The following NRXN3 variants were observed in gnomAD, a reference collection of about 807,000 sequenced individuals.
NRXN3 encodes neurexin III.
A neutral mutation model predicts 137.6 loss-of-function variants in NRXN3; 32 were observed. That is an observed-to-expected ratio of 0.23 (90% CI 0.18 to 0.31). The LOEUF (loss-of-function observed/expected upper bound fraction) is 0.31. NRXN3 is among the 10% of genes least tolerant of loss of function. NRXN3 has a pLI of 1.00. For synonymous variants in NRXN3, 798 were observed against 784.5 expected (o/e 1.02, Z -0.29); for missense variants, 1,574 against 2,062.5 (o/e 0.76, Z 4.59).
intron 16 of NRXN3, among the ~76,000 whole-genome samples, chr14:79,499,956 CGTGTGTGTGTGT>C (rs35371414): frequency 4.1e-5 from 6 of 145,140 alleles, no homozygotes; most frequent in African/African-American, 1.0e-4. Flanking sequence ...ATCTTAGGGT[CGTGTGTGTGTGT>C]GTGTGTGTGT....
intron 6 of NRXN3, among the ~76,000 whole-genome samples, chr14:78,666,545 C>T (rs1026894983): frequency 6.6e-5 from 10 of 152,164 alleles, no homozygotes; most frequent in African/African-American, 2.4e-4. Context: ...ATTACCTATT[C>T]ACTCGAGTTA....
chr14:78,540,616 C>A (rs2096580898), intron 4 of NRXN3, among the ~76,000 whole-genome samples: 1 of 152,096 alleles, frequency 6.6e-6, no homozygotes, highest in African/African-American at 2.4e-5. Context: ...AGCCCATTTA[C>A]ATTTAAGGGT....
chr14:78,193,460 G>C (rs1038619186), intron 1 of NRXN3, among the ~76,000 whole-genome samples: 3 of 152,202 alleles, frequency 2.0e-5, no homozygotes, highest in Admixed American at 1.3e-4. Context: ...TCTGCTGGAG[G>C]GTAAGGGCCT....
intron 4 of NRXN3, among the ~76,000 whole-genome samples, chr14:78,380,255 T>C (rs2088795618): frequency 1.5e-5 from 2 of 137,840 alleles, no homozygotes; most frequent in Non-Finnish European, 3.0e-5. Flanking sequence ...GAGCCGAGAT[T>C]GCGCCACTGC....
chr14:78,295,399 A>G (rs2076213709), intron 3 of NRXN3, among the ~76,000 whole-genome samples: 2 of 152,202 alleles, frequency 1.3e-5, no homozygotes, highest in African/African-American at 2.4e-5. Flanking sequence ...CTGCAACTAC[A>G]TATGTAGTTT....
chr14:79,724,727 A>G (rs892436612), intron 19 of NRXN3, among the ~76,000 whole-genome samples: 18 of 152,164 alleles, frequency 1.2e-4, no homozygotes, highest in African/African-American at 4.3e-4. Context: ...TATATGGTAG[A>G]GTTCAGCTAC....
intron 4 of NRXN3, among the ~76,000 whole-genome samples, chr14:78,517,608 G>A (rs1427912401): frequency 6.6e-6 from 1 of 152,114 alleles, no homozygotes; most frequent in Non-Finnish European, 1.5e-5. Context: ...ACTGTCAGCT[G>A]CCAGACAGGC....
intron 15 of NRXN3, among the ~76,000 whole-genome samples, chr14:79,428,316 TTTTC>T (rs1048067247): frequency 2.8e-4 from 39 of 136,868 alleles, no homozygotes; most frequent in Non-Finnish European, 5.5e-4. Flanking sequence ...TGTCTCAGCT[TTTTC>T]TTTCTTTTAT....
chr14:78,973,724 G>T (rs934412279), intron 14 of NRXN3, among the ~76,000 whole-genome samples: 16 of 152,094 alleles, frequency 1.1e-4, no homozygotes, highest in Non-Finnish European at 2.1e-4. Context: ...GTGCCATGCT[G>T]CTATGTCTCA....
chr14:79,805,814 CCGTGT>C (rs1359467807), intron 20 of NRXN3, among the ~76,000 whole-genome samples: 3 of 152,130 alleles, frequency 2.0e-5, no homozygotes, highest in African/African-American at 7.2e-5. Flanking sequence ...CTGTACCATG[CCGTGT>C]CAACAGCTGT....
intron 19 of NRXN3, among the ~76,000 whole-genome samples, chr14:79,781,163 T>C (rs1371427015): frequency 6.6e-6 from 1 of 152,198 alleles, no homozygotes; most frequent in Non-Finnish European, 1.5e-5. Flanking sequence ...GCTGAAGTTA[T>C]TTTTCCTGGT....
intron 15 of NRXN3, among the ~76,000 whole-genome samples, chr14:79,412,338 G>A (rs1201414371): frequency 6.6e-6 from 1 of 152,092 alleles, no homozygotes; most frequent in African/African-American, 2.4e-5. Flanking sequence ...CTTTCACTAG[G>A]CTACAAAGAA....
At chr14:78,344,180 G>A (rs1460421959) in intron 4 of NRXN3, among the ~76,000 whole-genome samples, 1 of 152,108 alleles carries the variant, frequency 6.6e-6, no homozygotes, top group Non-Finnish European at 1.5e-5. Context: ...TTTATCACTT[G>A]GCAAAAAAGC....
chr14:78,993,973 C>T (rs953475049), intron 15 of NRXN3, among the ~76,000 whole-genome samples: 16 of 150,528 alleles, frequency 1.1e-4, no homozygotes, highest in African/African-American at 3.9e-4. Flanking sequence ...CCTCAGTCTC[C>T]TGAGTAGCTG....
chr14:78,839,346 GT>G (rs1452349686), intron 10 of NRXN3, among the ~76,000 whole-genome samples: 1 of 152,178 alleles, frequency 6.6e-6, no homozygotes, highest in Non-Finnish European at 1.5e-5. Context: ...AGCTTAGAGA[GT>G]GTGGAAAGGG....
intron 16 of NRXN3, among the ~76,000 whole-genome samples, chr14:79,517,259 G>C (rs1385375007): frequency 6.6e-6 from 1 of 151,984 alleles, no homozygotes; most frequent in African/African-American, 2.4e-5. Flanking sequence ...TATATGTTTA[G>C]GAACTTTTTA....
intron 15 of NRXN3, among the ~76,000 whole-genome samples, chr14:79,178,065 A>G (rs566996294): frequency 4.1e-4 from 63 of 152,322 alleles, no homozygotes; most frequent in African/African-American, 1.5e-3. Flanking sequence ...CTCCATTGGT[A>G]TCCTCAACCT....
At chr14:79,231,010 G>A (rs1420231261) in intron 15 of NRXN3, among the ~76,000 whole-genome samples, 2 of 152,130 alleles carry the variant, frequency 1.3e-5, no homozygotes, top group African/African-American at 2.4e-5. Context: ...TATTTTGTAT[G>A]TTAAAATATT....
chr14:78,257,491 G>A (rs111443853), intron 2 of NRXN3, among the ~76,000 whole-genome samples: 149 of 152,326 alleles, frequency 9.8e-4, no homozygotes, highest in African/African-American at 3.5e-3. Context: ...GTGTGGGCGC[G>A]TGCCTGTGCA....
Sources: gnomAD v4.1 joint callset for allele counts (sites outside exome capture counted in the v4.1 genomes callset) on GRCh38, gnomAD v4.1.1 for gene constraint, MANE v1.5 for transcripts, NCBI Gene and HGNC (gene_info 2026-07-23, HGNC 2026-07-21) for gene names.